The following TMEM266 variants were observed in gnomAD, a reference collection of about 807,000 sequenced individuals.
The protein encoded by TMEM266 is Hv1 related protein 1.
In TMEM266, 33 loss-of-function variants were observed where a neutral mutation model predicts 50.5. The observed-to-expected ratio is 0.65, with a 90% CI of 0.50 to 0.87. TMEM266 has a LOEUF of 0.87. TMEM266 is among the 40% of genes least tolerant of loss of function. The pLI is 0.00. For synonymous variants in TMEM266, 310 were observed against 292.3 expected (o/e 1.06, Z -0.62); for missense variants, 655 against 695.1 (o/e 0.94, Z 0.65).
chr15:76,112,212 A>C (rs1000907321), intron 1 of TMEM266: 1 of 152,222 alleles, frequency 6.6e-6, no homozygotes, highest in African/African-American at 2.4e-5. Context: ...GATACTCTTA[A>C]TGGTGAACAT....
At chr15:76,087,044 T>G (rs749294277) in intron 1 of TMEM266, among the ~76,000 whole-genome samples, 29 of 152,174 alleles carry the variant, frequency 1.9e-4, no homozygotes, top group Non-Finnish European at 2.5e-4. Flanking sequence ...TGAATTGGCC[T>G]TAGGTTCCCT....
chr15:76,128,029 G>A (rs1490339724), intron 1 of TMEM266, among the ~76,000 whole-genome samples: 2 of 152,202 alleles, frequency 1.3e-5, no homozygotes, highest in Admixed American at 1.3e-4. Context: ...AGAGGGTCAA[G>A]TGGAATGGCT....
chr15:76,175,357 C>T (rs1440740581), intron 7 of TMEM266: 2 of 542,730 alleles, frequency 3.7e-6, no homozygotes, highest in Admixed American at 6.3e-5. Flanking sequence ...AACAGGAAAA[C>T]AGCTACCCTG....
chr15:76,088,670 G>A (rs1274472980), intron 1 of TMEM266, among the ~76,000 whole-genome samples: 4 of 151,984 alleles, frequency 2.6e-5, no homozygotes, highest in Admixed American at 6.5e-5. Context: ...GGTGGCAGGC[G>A]CCTGTAGTCC....
intron 8 of TMEM266, among the ~76,000 whole-genome samples, chr15:76,187,620 G>T (rs1217587648): frequency 6.6e-6 from 1 of 152,224 alleles, no homozygotes; most frequent in Non-Finnish European, 1.5e-5. Context: ...CCACCTTTGA[G>T]TGTTTTAAGT....
At chr15:76,135,231 C>A (rs536948432) in intron 2 of TMEM266, among the ~76,000 whole-genome samples, 8 of 152,196 alleles carry the variant, frequency 5.3e-5, no homozygotes, top group African/African-American at 1.9e-4. Flanking sequence ...AGAATAGAAC[C>A]ATTAATACAT....
intron 9 of TMEM266, among the ~76,000 whole-genome samples, chr15:76,200,070 G>A (rs1302122140): frequency 2.6e-5 from 4 of 152,126 alleles, no homozygotes; most frequent in Non-Finnish European, 4.4e-5. Flanking sequence ...GGAAGGCCCC[G>A]ACTGTGCTCC....
chr15:76,196,718 C>T (rs921582173), intron 9 of TMEM266, among the ~76,000 whole-genome samples: 1 of 152,024 alleles, frequency 6.6e-6, no homozygotes, highest in African/African-American at 2.4e-5. Context: ...TGGGGGAGGG[C>T]AGCCCAGGAG....
intron 1 of TMEM266, among the ~76,000 whole-genome samples, chr15:76,103,410 G>A (rs933168854): frequency 2.6e-5 from 4 of 152,036 alleles, no homozygotes; most frequent in African/African-American, 9.7e-5. Flanking sequence ...TGAGGTGGGA[G>A]GATTGCTTGA....
chr15:76,089,773 A>G (rs1004361935), intron 1 of TMEM266, among the ~76,000 whole-genome samples: 1 of 152,196 alleles, frequency 6.6e-6, no homozygotes, highest in African/African-American at 2.4e-5. Flanking sequence ...GAGTTGTTTC[A>G]GTAATCCAAG....
At chr15:76,085,268 T>C (rs1356377151) in intron 1 of TMEM266, among the ~76,000 whole-genome samples, 4 of 150,344 alleles carry the variant, frequency 2.7e-5, no homozygotes, top group Non-Finnish European at 3.0e-5. Flanking sequence ...CTTTCTTTTT[T>C]TTTTTTTGAG....
rs765127350 is a variant in TMEM266, at chr15:76,160,193, AC to A, written c.456+27del. On this transcript the variant is annotated intron_variant, in intron 5 of 10. Transcript: ENST00000388942. The surrounding 1 kb of genome is among the most constrained non-coding windows in gnomAD (Gnocchi z 5.7). ...GGTAGGTGGAGACTCTGGCCCTGTC[AC>A]CTCCTCTGTTGGGTGACTCCTGTCC... The A allele has an allele frequency of 1.0e-5, 16 of 1,603,942 alleles. No individual in the cohort carries two copies. The East Asian group carries it at 1.1e-4, about 11-fold the overall frequency.
At chr15:76,067,761 C>CT (rs2036459666) in intron 1 of TMEM266, among the ~76,000 whole-genome samples, 1 of 150,824 alleles carries the variant, frequency 6.6e-6, no homozygotes, top group Non-Finnish European at 1.5e-5. Context: ...TAAAATCATC[C>CT]TTGGGGTATT....
rs1387240512 is a variant in TMEM266, at chr15:76,160,205, G to A, written c.456+37G>A. The A allele has an allele frequency of 6.3e-7, 1 of 1,578,966 alleles. No individual in the cohort carries two copies. The highest frequency in any genetic ancestry group is 8.7e-7 in the Non-Finnish European group (1 of 1,148,134). On this transcript the variant is annotated intron_variant, in intron 5 of 10. Transcript: ENST00000388942. The surrounding 1 kb of genome is among the most constrained non-coding windows in gnomAD (Gnocchi z 5.7). ...CTCTGGCCCTGTCACCTCCTCTGTTGGGTGACTCCTGTCCTGGGGAAACCA... is the reference window on the plus strand; with the variant it reads ...CTCTGGCCCTGTCACCTCCTCTGTTAGGTGACTCCTGTCCTGGGGAAACCA...
At chr15:76,062,584 C>G in intron 1 of TMEM266, among the ~76,000 whole-genome samples, 1 of 152,144 alleles carries the variant, frequency 6.6e-6, no homozygotes, top group Admixed American at 6.5e-5. Context: ...AGAGGTGTTA[C>G]TTGATTTCTG....
chr15:76,165,152 G>A (rs2038076018), intron 5 of TMEM266, among the ~76,000 whole-genome samples: 1 of 152,212 alleles, frequency 6.6e-6, no homozygotes, highest in Admixed American at 6.5e-5. Context: ...GCAAGGCTTG[G>A]GATTTCCCAC....
chr15:76,176,609 A>T (rs1466859970), intron 8 of TMEM266: 3 of 152,268 alleles, frequency 2.0e-5, no homozygotes, highest in Non-Finnish European at 4.4e-5. Flanking sequence ...CAGCTGCGCA[A>T]GCCAGAGACG....
At chr15:76,186,749 G>A (rs2456050) in intron 8 of TMEM266, among the ~76,000 whole-genome samples, 98,572 of 152,090 alleles carry the variant, frequency 0.65, 32,966 homozygotes, top group Middle Eastern at 0.77. Flanking sequence ...TCCATTCTGC[G>A]GTCAGCATGG....
intron 1 of TMEM266, among the ~76,000 whole-genome samples, chr15:76,128,575 A>G (rs966940952): frequency 6.6e-6 from 1 of 152,206 alleles, no homozygotes; most frequent in Non-Finnish European, 1.5e-5. Flanking sequence ...TTAGAGTGCT[A>G]GACTATGCCT....
Sources: gnomAD v4.1 joint callset for allele counts (sites outside exome capture counted in the v4.1 genomes callset) on GRCh38, gnomAD v4.1.1 for gene constraint, Gnocchi (gnomAD v3.1) non-coding constraint, MANE v1.5 for transcripts, NCBI Gene and HGNC (gene_info 2026-07-23, HGNC 2026-07-21) for gene names.